KAT6B: variants seen among roughly 807,000 people sequenced by gnomAD.
KAT6B encodes the protein lysine acetyltransferase 6B.
Under a neutral mutation model 187.5 loss-of-function variants are expected in KAT6B, and 10 were observed. The observed-to-expected ratio is 0.05, with a 90% CI of 0.03 to 0.09. The LOEUF is 0.09. Ranked by LOEUF, KAT6B falls within the 10% of genes least tolerant of loss-of-function variation. The pLI is 1.00. For missense variants in KAT6B, 1,952 were observed against 2,558.9 expected, an observed-to-expected ratio of 0.76 and a Z score of 5.12; for synonymous variants, 861 against 926.8, an observed-to-expected ratio of 0.93 and a Z score of 1.29.
At chr10:74,833,063 A>C (rs1589435384) in intron 1 of KAT6B, among the ~76,000 whole-genome samples, 1 of 134,060 alleles carries the variant, frequency 7.5e-6, no homozygotes, top group Admixed American at 9.0e-5. Flanking sequence ...TGAACCCGGG[A>C]GGCGGAGGTT....
intron 9 of KAT6B, among the ~76,000 whole-genome samples, chr10:74,978,186 T>C (rs1842285371): frequency 6.6e-6 from 1 of 152,238 alleles, no homozygotes; most frequent in Non-Finnish European, 1.5e-5. Flanking sequence ...TTGGGCTAAA[T>C]ACTCCTGACA....
chr10:74,972,447 T>G, intron 6 of KAT6B, 60 bp from the exon 7 acceptor site: 2 of 1,267,234 alleles, frequency 1.6e-6, no homozygotes, highest in Admixed American at 2.0e-5. Flanking sequence ...CAACTTATAT[T>G]TAATATCTTC....
rs1457225829 is a variant in KAT6B at position 74,985,127 on chromosome 10, A to G, written c.2421A>G (p.Leu807=). Residue 807 remains leucine, a synonymous_variant, in exon 12 of 18, where the codon TTA becomes TTG. Coordinates refer to ENST00000287239, the MANE Select transcript of KAT6B (RefSeq NM_012330.4). ...SKIYCQNLCL[L]AKLFLDHKTL... The stretch of plus-strand genomic sequence containing the variant: ...TTTATTGCCAAAACCTTTGCTTGTT[A>G]GCCAAGCTCTTCCTGGACCACAAAA... 1 of 1,614,122 alleles carries G rather than the reference A, an allele frequency of 6.2e-7. No individual in the cohort carries two copies. The highest frequency in any genetic ancestry group is 8.5e-7 in the Non-Finnish European group (1 of 1,179,994).
In KAT6B at chr10:75,029,269, C is replaced by T; in HGVS notation, c.4445C>T (p.Thr1482Ile). ...TTAATGGACTGTGGCGTCGACCTGA[C>T]AGCTTCTTGTAACAGTGAGCCCAAG... ...EVLMDCGVDL[T>I]ASCNSEPKEL... is the part of the protein sequence containing the mutation. The change falls in exon 18 of 18, where the codon ACA becomes ATA. Residue 1482 changes from threonine (T) to isoleucine (I), a missense_variant. Thr to Ile is a moderately conservative substitution (Grantham distance 89). This residue lies in a region of KAT6B where 758 missense variants were observed against 891.4 expected (regional missense o/e 0.85). Transcript: ENST00000287239. The surrounding 1 kb of genome is among the most constrained non-coding windows in gnomAD (Gnocchi z 6.2). 1.2e-6 allele frequency: 2 copies of T among 1,614,172 alleles called. No individual in the cohort carries two copies. Among genetic ancestry groups the T allele is most frequent in the Non-Finnish European group, 1.7e-6 (2 of 1,180,030 alleles).
rs1846306116 is a variant in KAT6B, at chr10:75,031,306, C to T, written c.*260C>T. The T allele has an allele frequency of 2.1e-6, 1 of 486,856 alleles. No individual in the cohort carries two copies. The highest frequency in any genetic ancestry group is 3.7e-6 in the Non-Finnish European group (1 of 270,102). The allele number at this position is 486,856 out of a possible 1,614,324, so 30.2% of individuals were successfully genotyped here. A position where few individuals can be genotyped will look rare whatever the true frequency, so the allele number is the denominator to read the frequency against. On this transcript the variant is annotated 3_prime_UTR_variant, in exon 18 of 18. Coordinates refer to ENST00000287239, the MANE Select transcript of KAT6B (RefSeq NM_012330.4). ...AAATTCTCTGCAAAGGAAGGCCTCT[C>T]TTTGGACTACAATTTGGAGGCAGCC...
In KAT6B at chr10:74,936,331, A is replaced by C. The variant is rs577749742; in HGVS notation, c.622-23639A>C. Among the ~76,000 whole-genome samples, 419 of 151,700 alleles carry C rather than the reference A, an allele frequency of 2.8e-3. 3 individuals carry two copies. Among genetic ancestry groups the C allele is most frequent in the African/African-American group, 9.3e-3 (383 of 41,316 alleles). On this transcript the variant is annotated intron_variant, in intron 3 of 17. Coordinates refer to ENST00000287239, the MANE Select transcript of KAT6B (RefSeq NM_012330.4). ...GGCAGGAGAATCACTTGAACCCAGG[A>C]GGCAGAGGTTGCAGTGAGCCAAGAC...
chr10:74,849,787 C>A (rs1448257153), intron 3 of KAT6B, among the ~76,000 whole-genome samples: 1 of 152,124 alleles, frequency 6.6e-6, no homozygotes, highest in African/African-American at 2.4e-5. Flanking sequence ...AGATTATTAC[C>A]CTTATTTTAC....
At chr10:74,952,837 G>T (rs1167514809) in intron 3 of KAT6B, among the ~76,000 whole-genome samples, 1 of 143,642 alleles carries the variant, frequency 7.0e-6, no homozygotes, top group Admixed American at 7.0e-5. Context: ...CAGGCACCAT[G>T]CCTGGCTAAT....
chr10:74,853,030 A>G (rs1325288946), intron 3 of KAT6B, among the ~76,000 whole-genome samples: 3 of 151,746 alleles, frequency 2.0e-5, no homozygotes, highest in Non-Finnish European at 4.4e-5. Context: ...TATTTAACAA[A>G]TGTACGTTTT....
At chr10:74,888,371 CAG>C (rs1328279120) in intron 3 of KAT6B, among the ~76,000 whole-genome samples, 1 of 151,988 alleles carries the variant, frequency 6.6e-6, no homozygotes, top group Admixed American at 6.6e-5. Context: ...AGGATAAATA[CAG>C]AGTATATAAA....
Position 74,976,311 on chromosome 10 carries a change from T to A in KAT6B, c.1974T>A (p.Ile658=), listed in dbSNP as rs756285825. ...PGKGSLTDGR[I]KPDQDDDTEI... ...AGGGGAGCTTGACAGACGGAAGGAT[T>A]AAACCTGATCAGGATGATGGTAAGC... The change falls in exon 8 of 18, where the codon ATT becomes ATA. Residue 658 remains isoleucine, a synonymous_variant. Coordinates refer to ENST00000287239, the MANE Select transcript of KAT6B (RefSeq NM_012330.4). The A allele has an allele frequency of 7.4e-6, 12 of 1,613,232 alleles. No homozygotes were observed. In the Admixed American group the frequency reaches 2.0e-4, roughly 27 times the overall value.
rs1049234151 is a variant in KAT6B at position 74,976,310 on chromosome 10, T to A, written c.1973T>A (p.Ile658Asn). The A allele has an allele frequency of 6.2e-7, 1 of 1,613,240 alleles. No individual in the cohort carries two copies. Residue 658 changes from isoleucine to asparagine, a missense_variant, in exon 8 of 18, where the codon ATT (isoleucine) becomes AAT (asparagine). By Grantham distance (149) the Ile-to-Asn change is moderately radical. Transcript: ENST00000287239. ...AAGGGGAGCTTGACAGACGGAAGGA[T>A]TAAACCTGATCAGGATGATGGTAAG... ...PGKGSLTDGR[I>N]KPDQDDDTEI...
chr10:74,930,740 A>C (rs1206852103), intron 3 of KAT6B, among the ~76,000 whole-genome samples: 1 of 152,190 alleles, frequency 6.6e-6, no homozygotes, highest in Non-Finnish European at 1.5e-5. Context: ...TGGAGGTTCC[A>C]GGCTTTTCTT....
intron 3 of KAT6B, among the ~76,000 whole-genome samples, chr10:74,887,970 A>G (rs1384718298): frequency 6.6e-6 from 1 of 152,130 alleles, no homozygotes; most frequent in East Asian, 1.9e-4. Flanking sequence ...TGGTTGACAG[A>G]GTGAGATCCT....
chr10:75,000,603 A>C (rs1029285003), intron 13 of KAT6B, among the ~76,000 whole-genome samples: 8 of 152,176 alleles, frequency 5.3e-5, no homozygotes, highest in African/African-American at 1.7e-4. Flanking sequence ...TAAACTTGCC[A>C]TTAATATTAA....
intron 3 of KAT6B, among the ~76,000 whole-genome samples, chr10:74,869,386 C>T (rs183908635): frequency 3.3e-5 from 5 of 152,264 alleles, no homozygotes; most frequent in Admixed American, 3.3e-4. Flanking sequence ...CAACCTCTGT[C>T]TCCTGAGTTC....
At chr10:74,891,504 A>G (rs750163490) in intron 3 of KAT6B, among the ~76,000 whole-genome samples, 6 of 152,242 alleles carry the variant, frequency 3.9e-5, no homozygotes, top group Non-Finnish European at 5.9e-5. Flanking sequence ...AAAAAATAAC[A>G]GTTTCACTAA....
At chr10:74,966,637 T>C (rs972247843) in intron 4 of KAT6B, among the ~76,000 whole-genome samples, 2 of 152,270 alleles carry the variant, frequency 1.3e-5, no homozygotes, top group African/African-American at 4.8e-5. Flanking sequence ...ATATGTATTA[T>C]GGCTCTCAAA....
intron 3 of KAT6B, among the ~76,000 whole-genome samples, chr10:74,876,391 A>G (rs1844418957): frequency 6.6e-6 from 1 of 151,984 alleles, no homozygotes; most frequent in Non-Finnish European, 1.5e-5. Context: ...GCTAATCTTC[A>G]TTTTTTTGGT....
Sources: allele counts gnomAD v4.1 joint callset (sites outside exome capture counted in the v4.1 genomes callset), GRCh38; gene constraint gnomAD v4.1.1; regional missense constraint gnomAD v4.1.1; non-coding constraint Gnocchi (gnomAD v3.1); transcripts MANE v1.5; gene names NCBI Gene and HGNC (gene_info 2026-07-23, HGNC 2026-07-21).